ANK1: variants seen among roughly 807,000 people sequenced by gnomAD.
ANK1 encodes the protein ankyrin 1.
In ANK1, 51 loss-of-function variants were observed where a neutral mutation model predicts 210.4. The ratio of observed to expected loss-of-function variants is 0.24; its 90% CI spans 0.19 to 0.31. The LOEUF is 0.31. Ranked by LOEUF, ANK1 falls within the 10% of genes least tolerant of loss-of-function variation. ANK1 has a pLI of 1.00. For missense variants in ANK1, 2,051 were observed against 2,504.4 expected (o/e 0.82, Z 3.86); for synonymous variants, 967 against 1,025.9 (o/e 0.94, Z 1.10).
intron 2 of ANK1, among the ~76,000 whole-genome samples, chr8:41,753,220 A>G (rs142107343): frequency 1.3e-5 from 2 of 152,108 alleles, no homozygotes; most frequent in Non-Finnish European, 2.9e-5. Flanking sequence ...GCCTGCCATC[A>G]TGCCCGGCTA....
At chr8:41,790,493 AG>A (rs1411275961) in intron 1 of ANK1, among the ~76,000 whole-genome samples, 2 of 152,052 alleles carry the variant, frequency 1.3e-5, no homozygotes, top group African/African-American at 4.8e-5. Context: ...CAGGGAGCTC[AG>A]GGAGCTCAGG....
At chr8:41,659,399 C>T (rs1807022188) in intron 42 of ANK1, among the ~76,000 whole-genome samples, 1 of 152,216 alleles carries the variant, frequency 6.6e-6, no homozygotes, top group Admixed American at 6.5e-5. Flanking sequence ...AAACTTTCTG[C>T]CCTTGTGTGT....
At chr8:41,696,268 C>T in intron 26 of ANK1, 95 bp downstream of exon 26, 1 of 1,381,126 alleles carries the variant, frequency 7.2e-7, no homozygotes, top group Middle Eastern at 2.4e-4. Context: ...AGGGGAGGGG[C>T]ACCCAGTTCT....
intron 1 of ANK1, among the ~76,000 whole-genome samples, chr8:41,811,985 G>A (rs987217780): frequency 1.3e-5 from 2 of 152,202 alleles, no homozygotes; most frequent in East Asian, 3.8e-4. Context: ...AGAGTTAAAT[G>A]AAGCTGCTTG....
intron 39 of ANK1, among the ~76,000 whole-genome samples, chr8:41,666,075 G>A (rs2150553227): frequency 6.6e-6 from 1 of 152,360 alleles, no homozygotes; most frequent in Middle Eastern, 3.4e-3. Context: ...GACTAACCCT[G>A]CAACTCACCT....
At chr8:41,768,920 A>G in intron 1 of ANK1, among the ~76,000 whole-genome samples, 1 of 152,176 alleles carries the variant, frequency 6.6e-6, no homozygotes, top group South Asian at 2.1e-4. Context: ...GCAGTGAGCT[A>G]TGATTGCAAC....
chr8:41,805,237 T>C (rs1266231651), intron 1 of ANK1, among the ~76,000 whole-genome samples: 1 of 150,390 alleles, frequency 6.6e-6, no homozygotes, highest in Non-Finnish European at 1.5e-5. Flanking sequence ...CTCTCTCTCT[T>C]TGTCTCTTTC....
chr8:41,849,210 C>G (rs1810694206), intron 1 of ANK1, among the ~76,000 whole-genome samples: 1 of 152,198 alleles, frequency 6.6e-6, no homozygotes, highest in African/African-American at 2.4e-5. Context: ...GTGAGGCTGC[C>G]CTGATGTCTG....
intron 1 of ANK1, among the ~76,000 whole-genome samples, chr8:41,790,686 A>G (rs1847484553): frequency 6.6e-6 from 1 of 152,176 alleles, no homozygotes; most frequent in Non-Finnish European, 1.5e-5. Flanking sequence ...ACAGCTTTAA[A>G]TGCATGCAAT....
intron 37 of ANK1, 100 bp downstream of exon 37, chr8:41,684,444 G>C: frequency 6.5e-7 from 1 of 1,545,402 alleles, no homozygotes. Flanking sequence ...GAGGCAGAGC[G>C]GGCTTTGAGG....
Position 41,727,944 on chromosome 8 carries a change from A to T in ANK1, c.291T>A (p.Leu97=), listed in dbSNP as rs750315765. Reference sequence around the variant, plus strand: ...CGTTGACGTTGGCTCCATAGTTGACAAGCTCCCGGACCACCTCATCCTGCC... The same window carrying T: ...CGTTGACGTTGGCTCCATAGTTGACTAGCTCCCGGACCACCTCATCCTGCC... ...LAGQDEVVRE[L]VNYGANVNAQ... is the part of the protein sequence containing the mutation. The change falls in exon 4 of 43, where the codon CTT becomes CTA. Residue 97 remains leucine (L), a synonymous_variant. Transcript: ENST00000289734. 6.2e-7 allele frequency: 1 copy of T among 1,614,146 alleles called. No homozygotes were observed. The highest frequency in any genetic ancestry group is 1.1e-5 in the South Asian group (1 of 91,070).
intron 1 of ANK1, among the ~76,000 whole-genome samples, chr8:41,820,192 C>T (rs910752358): frequency 7.3e-5 from 11 of 150,950 alleles, no homozygotes; most frequent in Non-Finnish European, 1.6e-4. Flanking sequence ...TGGGGTCTCA[C>T]TCTGTCACCC....
At chr8:41,728,583 A>G (rs1306426404) in intron 3 of ANK1, among the ~76,000 whole-genome samples, 3 of 152,092 alleles carry the variant, frequency 2.0e-5, no homozygotes, top group South Asian at 2.1e-4. Flanking sequence ...TAAAAAGAAG[A>G]CCACCAGCAC....
rs755655851 is a variant in ANK1, at chr8:41,715,738, G to C, written c.1516C>G (p.Pro506Ala). The C allele has an allele frequency of 1.9e-6, 3 of 1,614,196 alleles. No individual in the cohort carries two copies. The highest frequency in any genetic ancestry group is 1.1e-5 in the South Asian group (1 of 91,084). ...PNLATTAGHT[P>A]LHIAAREGHV... ...CCCTCACGGGCTGCAATGTGCAGGG[G>C]GGTGTGCCCGGCGGTGGTGGCCAGG... The change falls in exon 14 of 43, where the codon CCC (proline) becomes GCC (alanine). Residue 506 changes from proline (P) to alanine (A), a missense_variant. Coordinates refer to ENST00000289734, the MANE Select transcript of ANK1 (RefSeq NM_000037.4).
intron 1 of ANK1, among the ~76,000 whole-genome samples, chr8:41,849,048 T>C (rs1810665978): frequency 6.6e-6 from 1 of 152,260 alleles, no homozygotes; most frequent in Admixed American, 6.5e-5. Flanking sequence ...CACCAGGGAC[T>C]GGAATCAAAC....
intron 1 of ANK1, among the ~76,000 whole-genome samples, chr8:41,892,146 TCCCTCCATCCCACTTTCCC>T (rs527969710): frequency 3.4e-4 from 52 of 152,080 alleles, no homozygotes; most frequent in South Asian, 1.7e-3. Flanking sequence ...TTAACTTTCC[TCCCTCCATCCCACTTTCCC>T]CCCTCCATCC....
At chr8:41,843,099 C>G (rs996409070) in intron 1 of ANK1, among the ~76,000 whole-genome samples, 1 of 152,184 alleles carries the variant, frequency 6.6e-6, no homozygotes, top group Non-Finnish European at 1.5e-5. Flanking sequence ...CCGCCCGCCT[C>G]GGCTTCCCAA....
intron 1 of ANK1, among the ~76,000 whole-genome samples, chr8:41,838,848 G>A (rs1587340539): frequency 6.8e-6 from 1 of 148,028 alleles, no homozygotes; most frequent in Non-Finnish European, 1.5e-5. Flanking sequence ...AGGCCAAGGT[G>A]GGAGGATCAC....
intron 1 of ANK1, among the ~76,000 whole-genome samples, chr8:41,844,275 T>C (rs1392611375): frequency 6.6e-6 from 1 of 152,156 alleles, no homozygotes; most frequent in Non-Finnish European, 1.5e-5. Flanking sequence ...AGATGAACCA[T>C]GGGTGCGACC....
Sources: gnomAD v4.1 joint callset for allele counts (sites outside exome capture counted in the v4.1 genomes callset) on GRCh38, gnomAD v4.1.1 for gene constraint, MANE v1.5 for transcripts, NCBI Gene and HGNC (gene_info 2026-07-23, HGNC 2026-07-21) for gene names.